IL20RA: variants seen among roughly 807,000 people sequenced by gnomAD.
The protein encoded by IL20RA is interleukin 20 receptor subunit alpha.
IL20RA carries 29 observed loss-of-function variants against 36.5 expected under a neutral mutation model. The observed-to-expected ratio is 0.79, with a 90% CI of 0.59 to 1.08. IL20RA has a LOEUF of 1.08. Among genes scored for constraint, IL20RA ranks in the 50% least tolerant of loss-of-function variants. IL20RA has a pLI of 0.00. For missense variants in IL20RA, 652 were observed against 668.4 expected (o/e 0.98, Z 0.27); for synonymous variants, 279 against 267.1 (o/e 1.04, Z -0.43).
intron 2 of IL20RA, among the ~76,000 whole-genome samples, chr6:137,014,818 A>G (rs1401744266): frequency 6.6e-6 from 1 of 152,022 alleles, no homozygotes; most frequent in Non-Finnish European, 1.5e-5. Flanking sequence ...AATTCCATGC[A>G]TGCTACCAGT....
chr6:137,037,310 C>A (rs1366744941), intron 1 of IL20RA, among the ~76,000 whole-genome samples: 1 of 152,004 alleles, frequency 6.6e-6, no homozygotes, highest in Non-Finnish European at 1.5e-5. Context: ...AAAAACAGAC[C>A]CAATTTCGTA....
intron 6 of IL20RA, among the ~76,000 whole-genome samples, chr6:137,002,929 A>G (rs954917121): frequency 2.6e-5 from 4 of 152,208 alleles, no homozygotes; most frequent in African/African-American, 4.8e-5. Flanking sequence ...GAGCCAAAAA[A>G]GGAAATTCAT....
At chr6:137,007,932 T>C (rs941354280) in intron 5 of IL20RA, among the ~76,000 whole-genome samples, 8 of 152,244 alleles carry the variant, frequency 5.3e-5, no homozygotes, top group Non-Finnish European at 1.2e-4. Context: ...TCTGATGTTC[T>C]TGAAGACCAC....
intron 1 of IL20RA, among the ~76,000 whole-genome samples, chr6:137,039,032 C>T (rs1238226656): frequency 6.6e-6 from 1 of 151,980 alleles, no homozygotes; most frequent in African/African-American, 2.4e-5. Context: ...TTGTCTTTAC[C>T]CACAGTTTAT....
At chr6:137,019,339 G>T (rs551704794) in intron 1 of IL20RA, among the ~76,000 whole-genome samples, 10 of 152,138 alleles carry the variant, frequency 6.6e-5, no homozygotes, top group Non-Finnish European at 1.5e-5. Context: ...ATGTTGGCCA[G>T]GCTGGTCTCC....
At chr6:137,037,736 C>G (rs899904923) in intron 1 of IL20RA, among the ~76,000 whole-genome samples, 1 of 152,106 alleles carries the variant, frequency 6.6e-6, no homozygotes, top group Non-Finnish European at 1.5e-5. Flanking sequence ...ACTGGAAATA[C>G]TGGGAGAGAG....
At chr6:137,019,726 T>C (rs1775831942) in intron 1 of IL20RA, among the ~76,000 whole-genome samples, 1 of 152,212 alleles carries the variant, frequency 6.6e-6, no homozygotes, top group Non-Finnish European at 1.5e-5. Context: ...TGTTGAAATG[T>C]TAGCAAACTC....
At chr6:137,043,381 A>G (rs1026392919) in intron 1 of IL20RA, among the ~76,000 whole-genome samples, 9 of 152,180 alleles carry the variant, frequency 5.9e-5, no homozygotes, top group African/African-American at 2.2e-4. Context: ...TGTTAGGATT[A>G]CAGGTGTGAG....
chr6:137,034,123 C>T (rs1293094547), intron 1 of IL20RA, among the ~76,000 whole-genome samples: 1 of 152,168 alleles, frequency 6.6e-6, no homozygotes, highest in Non-Finnish European at 1.5e-5. Context: ...CTTGTTGAGG[C>T]TGCCGATGAT....
At chr6:137,005,222 T>G (rs1015252067) in intron 5 of IL20RA, among the ~76,000 whole-genome samples, 1 of 152,262 alleles carries the variant, frequency 6.6e-6, no homozygotes, top group Non-Finnish European at 1.5e-5. Flanking sequence ...GCATGTTCAC[T>G]GAAAGACATG....
intron 2 of IL20RA, among the ~76,000 whole-genome samples, chr6:137,014,029 T>C (rs1237189263): frequency 1.3e-5 from 2 of 152,320 alleles, no homozygotes; most frequent in Non-Finnish European, 1.5e-5. Context: ...CAGAGCAAGC[T>C]CTTTGCTCCA....
rs1776844143 is a variant in IL20RA, at chr6:137,044,733, G to A, written c.-5C>T. The A allele has an allele frequency of 1.6e-6, 2 of 1,216,738 alleles. No homozygotes were observed. Among genetic ancestry groups the A allele is most frequent in the East Asian group, 6.6e-5 (2 of 30,154 alleles). 75.4% of individuals were successfully genotyped at this position (1,216,738 alleles called of 1,614,324 possible). On this transcript the variant is annotated 5_prime_UTR_variant, in exon 1 of 7. Transcript: ENST00000316649. ...CGGGCGGCCGGGAGCCCGCATGGGC[G>A]GCGGGGCTGGGTCACATGTCGGGGG...
intron 1 of IL20RA, among the ~76,000 whole-genome samples, chr6:137,037,684 T>C (rs1008164277): frequency 6.6e-6 from 1 of 152,100 alleles, no homozygotes; most frequent in African/African-American, 2.4e-5. Context: ...TCATGATCTA[T>C]AGGAAGTCAG....
chr6:137,019,942 C>T (rs561136181), intron 1 of IL20RA, among the ~76,000 whole-genome samples: 1 of 152,334 alleles, frequency 6.6e-6, no homozygotes, highest in East Asian at 1.9e-4. Context: ...TAATCCCTTC[C>T]TCTTGGCATT....
chr6:137,009,295 C>T (rs78812012), intron 4 of IL20RA, 22 bp downstream of exon 4: 1 of 1,587,834 alleles, frequency 6.3e-7, no homozygotes, highest in Non-Finnish European at 8.7e-7. Context: ...TGAATGTATG[C>T]CCCATTCCAT....
chr6:137,014,706 C>T (rs1291374093), intron 2 of IL20RA, among the ~76,000 whole-genome samples: 1 of 152,086 alleles, frequency 6.6e-6, no homozygotes, highest in Non-Finnish European at 1.5e-5. Context: ...TAGTTCCCCC[C>T]CCCTTTTCCA....
chr6:137,039,052 A>G (rs1776585083), intron 1 of IL20RA, among the ~76,000 whole-genome samples: 1 of 152,226 alleles, frequency 6.6e-6, no homozygotes, highest in Admixed American at 6.5e-5. Flanking sequence ...TGAGTAAGTG[A>G]AATATATATG....
intron 1 of IL20RA, among the ~76,000 whole-genome samples, chr6:137,037,581 C>T (rs1359460713): frequency 1.3e-5 from 2 of 152,172 alleles, no homozygotes; most frequent in South Asian, 2.1e-4. Context: ...ACATCAGAGG[C>T]CTGTGTTCAT....
Position 137,004,159 on chromosome 6 carries a change from CTTTT to C in IL20RA, c.864+458_864+461del, listed in dbSNP as rs140038413. On this transcript the variant is annotated intron_variant, in intron 6 of 6. Transcript: ENST00000316649. ...TCTGTTAGTCAGCTAATCCAGAAAG[CTTTT>C]TTTTTTTTTTTTTTTTTTTTTTGAG... Among the ~76,000 whole-genome samples the C allele has an allele frequency of 6.4e-4, 56 of 88,004 alleles. 12 individuals are homozygous for C. The highest frequency in any genetic ancestry group is 7.4e-3 in the Middle Eastern group (1 of 136). 57.7% of individuals were successfully genotyped at this position (88,004 alleles called of 152,430 possible). A position where few individuals can be genotyped will look rare whatever the true frequency, so the allele number is the denominator to read the frequency against.
Sources: gnomAD v4.1 joint callset for allele counts (sites outside exome capture counted in the v4.1 genomes callset) on GRCh38, gnomAD v4.1.1 for gene constraint, MANE v1.5 for transcripts, NCBI Gene and HGNC (gene_info 2026-07-23, HGNC 2026-07-21) for gene names.